The following ZBTB8A variants were observed in gnomAD, a reference collection of about 807,000 sequenced individuals.
The protein encoded by ZBTB8A is zinc finger and BTB domain containing 8A.
In ZBTB8A, 19 loss-of-function variants were observed where a neutral mutation model predicts 37.8. The observed-to-expected ratio is 0.50, with a 90% CI of 0.35 to 0.74. The LOEUF (loss-of-function observed/expected upper bound fraction) is 0.74, where lower values mean the gene tolerates loss of function less well. Ranked by LOEUF, ZBTB8A falls within the 30% of genes least tolerant of loss-of-function variation. The pLI, the probability that ZBTB8A is intolerant of heterozygous loss-of-function variation, is 0.01. For missense variants in ZBTB8A, 394 were observed against 537.8 expected (o/e 0.73, Z 2.65); for synonymous variants, 181 against 185.2 (o/e 0.98, Z 0.19).
At chr1:32,585,863 C>G (rs1644444183) in intron 2 of ZBTB8A, among the ~76,000 whole-genome samples, 1 of 151,420 alleles carries the variant, frequency 6.6e-6, no homozygotes, top group Non-Finnish European at 1.5e-5. Context: ...ATCAGCCGGG[C>G]GTGGTGGCGG....
chr1:32,564,004 C>T (rs930768694), intron 2 of ZBTB8A, among the ~76,000 whole-genome samples: 11 of 152,254 alleles, frequency 7.2e-5, no homozygotes, highest in African/African-American at 2.6e-4. Context: ...GAGATGCCAG[C>T]AAGGTCATTT....
intron 2 of ZBTB8A, among the ~76,000 whole-genome samples, chr1:32,570,938 C>T (rs996284926): frequency 1.3e-5 from 2 of 151,332 alleles, no homozygotes; most frequent in African/African-American, 2.4e-5. Flanking sequence ...TGCAATGGTG[C>T]AATCTTGGCT....
At chr1:32,568,652 C>T (rs1023222612) in intron 2 of ZBTB8A, among the ~76,000 whole-genome samples, 2 of 152,190 alleles carry the variant, frequency 1.3e-5, no homozygotes, top group Non-Finnish European at 2.9e-5. Flanking sequence ...TCCCAAAGTG[C>T]TGGGATTACA....
chr1:32,599,826 A>G (rs1644561843), intron 4 of ZBTB8A, among the ~76,000 whole-genome samples: 1 of 152,128 alleles, frequency 6.6e-6, no homozygotes, highest in Admixed American at 6.6e-5. Flanking sequence ...ACCAAATGCT[A>G]TTGGATTAAG....
intron 2 of ZBTB8A, among the ~76,000 whole-genome samples, chr1:32,575,625 G>C (rs1245231860): frequency 1.3e-5 from 2 of 151,746 alleles, no homozygotes; most frequent in Non-Finnish European, 2.9e-5. Context: ...ATGGTGGGAG[G>C]ATCGCTTAGG....
chr1:32,582,340 C>A (rs1459620666), intron 2 of ZBTB8A, among the ~76,000 whole-genome samples: 1 of 152,076 alleles, frequency 6.6e-6, no homozygotes, highest in Non-Finnish European at 1.5e-5. Context: ...TGGTCCCAAG[C>A]ATTTTGGATA....
intron 1 of ZBTB8A, among the ~76,000 whole-genome samples, chr1:32,546,463 T>TA (rs1644105078): frequency 6.6e-6 from 1 of 151,108 alleles, no homozygotes; most frequent in African/African-American, 2.4e-5. Flanking sequence ...AATAAATAAA[T>TA]AAATAAAAGA....
chr1:32,545,039 TATG>T (rs1414211622), intron 1 of ZBTB8A, among the ~76,000 whole-genome samples: 1 of 152,224 alleles, frequency 6.6e-6, no homozygotes, highest in African/African-American at 2.4e-5. Context: ...TGCTGGGTCA[TATG>T]ATAACTCCAT....
chr1:32,567,417 C>T (rs1263808214), intron 2 of ZBTB8A, among the ~76,000 whole-genome samples: 1 of 152,078 alleles, frequency 6.6e-6, no homozygotes, highest in South Asian at 2.1e-4. Flanking sequence ...GTATCTGCCA[C>T]CTAGCTATTT....
chr1:32,600,347 T>A lies in ZBTB8A; in HGVS notation c.1254T>A (p.Ala418=). ...TGGAGATTGTAGAAGATGGGTCTGC[T>A]GATCTGGTCATCCAACAGGTTGATG... is the stretch of plus-strand genomic sequence containing the variant. ...SYVEIVEDGS[A]DLVIQQVDDS... Residue 418 remains alanine (A), a synonymous_variant, in exon 5 of 5, where the codon GCT becomes GCA. Coordinates refer to ENST00000373510, the MANE Select transcript of ZBTB8A (RefSeq NM_001040441.3). The A allele has an allele frequency of 6.2e-7, 1 of 1,614,120 alleles. No individual in the cohort carries two copies. Among genetic ancestry groups the A allele is most frequent in the Non-Finnish European group, 8.5e-7 (1 of 1,180,010 alleles).
chr1:32,542,386 C>T (rs1179610598), intron 1 of ZBTB8A, among the ~76,000 whole-genome samples: 1 of 151,394 alleles, frequency 6.6e-6, no homozygotes, highest in Non-Finnish European at 1.5e-5. Context: ...CCAGCCTGGA[C>T]AAGAAGGTGA....
chr1:32,585,027 CTTTT>C (rs1163697499), intron 2 of ZBTB8A, among the ~76,000 whole-genome samples: 5 of 105,618 alleles, frequency 4.7e-5, no homozygotes, highest in Admixed American at 2.0e-4. Context: ...TTTCAGATTT[CTTTT>C]TTTTTTTTTT....
At chr1:32,550,512 G>A (rs987951259) in intron 1 of ZBTB8A, among the ~76,000 whole-genome samples, 3 of 152,098 alleles carry the variant, frequency 2.0e-5, no homozygotes, top group Non-Finnish European at 2.9e-5. Context: ...CCAGCTCCTC[G>A]GAAGGCTGAT....
chr1:32,598,170 G>A (rs1644547248), intron 4 of ZBTB8A, among the ~76,000 whole-genome samples: 1 of 150,172 alleles, frequency 6.7e-6, no homozygotes, highest in East Asian at 1.9e-4. Context: ...TGTACTAGTG[G>A]TAATTCCATA....
intron 1 of ZBTB8A, among the ~76,000 whole-genome samples, chr1:32,548,181 G>A (rs1644122102): frequency 6.6e-6 from 1 of 150,820 alleles, no homozygotes; most frequent in Non-Finnish European, 1.5e-5. Flanking sequence ...CTTCCTTAAG[G>A]TGAGGTCTGC....
At chr1:32,597,417 G>A (rs1199171730) in intron 4 of ZBTB8A, among the ~76,000 whole-genome samples, 1 of 152,150 alleles carries the variant, frequency 6.6e-6, no homozygotes, top group African/African-American at 2.4e-5. Context: ...CCAGTGAACA[G>A]TCTCTACCTT....
intron 1 of ZBTB8A, among the ~76,000 whole-genome samples, chr1:32,546,594 T>C (rs1293047127): frequency 6.6e-6 from 1 of 152,200 alleles, no homozygotes; most frequent in East Asian, 1.9e-4. Context: ...TGAGCCAAGA[T>C]CGTACCACTG....
At chr1:32,557,356 TTTTG>T (rs1421283801) in intron 2 of ZBTB8A, among the ~76,000 whole-genome samples, 1 of 152,192 alleles carries the variant, frequency 6.6e-6, no homozygotes, top group Non-Finnish European at 1.5e-5. Flanking sequence ...GGGATTTTGT[TTTTG>T]TTTGTTTTTG....
intron 2 of ZBTB8A, among the ~76,000 whole-genome samples, chr1:32,570,151 G>A (rs1261753066): frequency 6.6e-6 from 1 of 152,132 alleles, no homozygotes. Context: ...TTGAAAACAT[G>A]AACCTTTCCC....
Sources: gnomAD v4.1 joint callset for allele counts (sites outside exome capture counted in the v4.1 genomes callset) on GRCh38, gnomAD v4.1.1 for gene constraint, MANE v1.5 for transcripts, NCBI Gene and HGNC (gene_info 2026-07-23, HGNC 2026-07-21) for gene names.